CEP63: variants seen among roughly 807,000 people sequenced by gnomAD.
CEP63 encodes the protein centrosomal protein 63.
A neutral mutation model predicts 89.1 loss-of-function variants in CEP63; 84 were observed. The observed-to-expected ratio is 0.94, with a 90% CI of 0.79 to 1.13. The LOEUF (loss-of-function observed/expected upper bound fraction) is 1.13. CEP63 is among the 50% of genes most tolerant of loss of function. The probability of loss-of-function intolerance (pLI) is 0.00; values close to 1 mark genes in which losing one functional copy is unlikely to be tolerated. For missense variants in CEP63, 838 were observed against 813.3 expected (o/e 1.03, Z -0.37); for synonymous variants, 267 against 272.5 (o/e 0.98, Z 0.20).
the CEP63 span, among the ~76,000 whole-genome samples, chr3:134,646,262 T>C: frequency 6.6e-6 from 1 of 152,176 alleles, no homozygotes. Flanking sequence ...ATGGCCCCTG[T>C]AGCAAGATTA....
At chr3:134,680,495 C>A in the CEP63 span, among the ~76,000 whole-genome samples, 1 of 152,182 alleles carries the variant, frequency 6.6e-6, no homozygotes, top group South Asian at 2.1e-4. Context: ...CCCATCACTC[C>A]CCGAGGGGTC....
At chr3:134,527,182 A>C (rs1659118544) in intron 3 of CEP63, among the ~76,000 whole-genome samples, 2 of 152,128 alleles carry the variant, frequency 1.3e-5, no homozygotes, top group Admixed American at 1.3e-4. Flanking sequence ...CCTCCCTGAG[A>C]GCATTCACCA....
At chr3:134,633,775 A>G in the CEP63 span, among the ~76,000 whole-genome samples, 1 of 152,150 alleles carries the variant, frequency 6.6e-6, no homozygotes, top group South Asian at 2.1e-4. Context: ...AAGAAAGAGA[A>G]ATAAAAGGCA....
chr3:134,508,768 G>A (rs1011587659), intron 3 of CEP63, among the ~76,000 whole-genome samples: 1 of 152,116 alleles, frequency 6.6e-6, no homozygotes, highest in East Asian at 1.9e-4. Context: ...CCATGGTAAG[G>A]ATATGAAGAT....
chr3:134,496,434 G>T (rs570525756), intron 2 of CEP63, among the ~76,000 whole-genome samples: 2 of 21,840 alleles, frequency 9.2e-5, no homozygotes, highest in African/African-American at 1.8e-4. Flanking sequence ...AAAAAAAAGG[G>T]GGGGGGGGCT....
chr3:134,513,234 A>G (rs879593956), intron 3 of CEP63, among the ~76,000 whole-genome samples: 3 of 152,158 alleles, frequency 2.0e-5, no homozygotes, highest in East Asian at 1.9e-4. Flanking sequence ...CACCATATTT[A>G]TATGTTTACA....
At chr3:134,530,826 T>G (rs945789214) in intron 3 of CEP63, among the ~76,000 whole-genome samples, 1 of 152,250 alleles carries the variant, frequency 6.6e-6, no homozygotes, top group South Asian at 2.1e-4. Context: ...GTCCTCATTC[T>G]TATAAGTAGC....
At chr3:134,723,916 A>G in the CEP63 span, among the ~76,000 whole-genome samples, 3 of 152,214 alleles carry the variant, frequency 2.0e-5, no homozygotes, top group African/African-American at 4.8e-5. Context: ...TGAAGTCACT[A>G]CAATAATTGA....
At chr3:134,489,022 G>A (rs1936712839) in intron 1 of CEP63, among the ~76,000 whole-genome samples, 1 of 152,014 alleles carries the variant, frequency 6.6e-6, no homozygotes, top group Non-Finnish European at 1.5e-5. Flanking sequence ...GGGCGTGGTG[G>A]CATGCGCCTG....
the CEP63 span, among the ~76,000 whole-genome samples, chr3:134,778,887 G>A: frequency 1.3e-5 from 2 of 152,126 alleles, no homozygotes; most frequent in Admixed American, 1.3e-4. Flanking sequence ...TTGCTAGACT[G>A]AACACCTTTG....
Position 134,561,842 on chromosome 3 carries a change from C to G in CEP63, c.*307C>G, listed in dbSNP as rs868235382. On this transcript the variant is annotated 3_prime_UTR_variant, in exon 15 of 15. Transcript: ENST00000675561. Reference sequence around the variant, plus strand: ...TGACTTAAATGTGAATAGCTATGTACTAATTGAAATAAGGATTTTATGATA... The same window carrying G: ...TGACTTAAATGTGAATAGCTATGTAGTAATTGAAATAAGGATTTTATGATA... The G allele has an allele frequency of 2.4e-5, 27 of 1,116,452 alleles. No homozygotes were observed. Among genetic ancestry groups the G allele is most frequent in the Middle Eastern group, 4.1e-4 (1 of 2,440 alleles). 69.2% of individuals were successfully genotyped at this position (1,116,452 alleles called of 1,614,324 possible).
the CEP63 span, among the ~76,000 whole-genome samples, chr3:134,704,932 C>T: frequency 6.6e-6 from 1 of 152,180 alleles, no homozygotes; most frequent in Non-Finnish European, 1.5e-5. Flanking sequence ...GCTTGATTCT[C>T]TTCTAACAGC....
chr3:134,737,027 G>A, the CEP63 span, among the ~76,000 whole-genome samples: 3 of 152,168 alleles, frequency 2.0e-5, no homozygotes, highest in Non-Finnish European at 2.9e-5. Flanking sequence ...TTGCTTTGTG[G>A]TAGAGGTGAC....
the CEP63 span, among the ~76,000 whole-genome samples, chr3:134,606,447 C>A: frequency 6.6e-6 from 1 of 152,184 alleles, no homozygotes; most frequent in East Asian, 1.9e-4. Flanking sequence ...CCCACCACTT[C>A]CCCCAAACCT....
At chr3:134,705,345 C>T in the CEP63 span, among the ~76,000 whole-genome samples, 27 of 152,142 alleles carry the variant, frequency 1.8e-4, no homozygotes, top group Admixed American at 1.5e-3. Flanking sequence ...GGGGGTCTTA[C>T]GGGAGACTCC....
the CEP63 span, among the ~76,000 whole-genome samples, chr3:134,633,406 A>C: frequency 1.3e-5 from 2 of 152,114 alleles, no homozygotes; most frequent in Non-Finnish European, 2.9e-5. Context: ...ATATACTACA[A>C]CCATGGGTGG....
chr3:134,495,910 T>C (rs1939720461), intron 2 of CEP63, among the ~76,000 whole-genome samples: 1 of 152,248 alleles, frequency 6.6e-6, no homozygotes, highest in Non-Finnish European at 1.5e-5. Context: ...CTTCATTCTT[T>C]TTTATGGCTG....
At chr3:134,545,154 C>A (rs1952985871) in intron 6 of CEP63, among the ~76,000 whole-genome samples, 1 of 152,108 alleles carries the variant, frequency 6.6e-6, no homozygotes. Context: ...CACGCGCCAC[C>A]ACGCCCAGCT....
At chr3:134,745,552 A>G in the CEP63 span, among the ~76,000 whole-genome samples, 1 of 152,158 alleles carries the variant, frequency 6.6e-6, no homozygotes, top group Non-Finnish European at 1.5e-5. Context: ...TTATTATTAT[A>G]CTTTAAGTTC....
Sources: allele counts gnomAD v4.1 joint callset (sites outside exome capture counted in the v4.1 genomes callset), GRCh38; gene constraint gnomAD v4.1.1; transcripts MANE v1.5; gene names NCBI Gene and HGNC (gene_info 2026-07-23, HGNC 2026-07-21).